The following CUX2 variants were observed in gnomAD, a reference collection of about 807,000 sequenced individuals.
CUX2 encodes cut like homeobox 2, also known as homeobox protein cut-like 2.
In CUX2, 40 loss-of-function variants were observed where a neutral mutation model predicts 144.8. The observed-to-expected ratio is 0.28, with a 90% confidence interval of 0.21 to 0.36. The LOEUF (loss-of-function observed/expected upper bound fraction) is 0.36, where lower values mean the gene tolerates loss of function less well. Among genes scored for constraint, CUX2 ranks in the 10% least tolerant of loss-of-function variants. CUX2 has a pLI of 1.00. For synonymous variants in CUX2, 827 were observed against 875.6 expected (o/e 0.94, Z 0.98); for missense variants, 1,615 against 1,994.0 (o/e 0.81, Z 3.62).
intron 2 of CUX2, among the ~76,000 whole-genome samples, chr12:111,215,454 C>G (rs769483846): frequency 3.3e-4 from 50 of 152,178 alleles, no homozygotes; most frequent in Non-Finnish European, 6.2e-4. Context: ...AGAGAAGGGA[C>G]TAGGATCTAG....
chr12:111,076,920 C>G (rs889683354), intron 1 of CUX2, among the ~76,000 whole-genome samples: 3 of 152,194 alleles, frequency 2.0e-5, no homozygotes, highest in Admixed American at 6.5e-5. Flanking sequence ...GGCTTTAATT[C>G]AAGGTCAAAG....
At chr12:111,194,152 A>G (rs1320575987) in intron 1 of CUX2, among the ~76,000 whole-genome samples, 1 of 152,124 alleles carries the variant, frequency 6.6e-6, no homozygotes, top group Non-Finnish European at 1.5e-5. Flanking sequence ...TCTTGAATCC[A>G]GCTCTGCCCC....
chr12:111,226,036 CG>C (rs970003542), intron 3 of CUX2, among the ~76,000 whole-genome samples: 7 of 152,200 alleles, frequency 4.6e-5, no homozygotes, highest in African/African-American at 1.7e-4. Context: ...CTCCGCCTCC[CG>C]GGTTCAAGCA....
rs1318937537 is a variant in CUX2 at position 111,057,214 on chromosome 12, G to C, written c.63+22974G>C. ...AGTGGGTGTGATAGGAAGTGGCCCA[G>C]TAGCAAGTAAGTGTGACAAGAAATT... On this transcript the variant is annotated intron_variant, in intron 1 of 21. Transcript: ENST00000261726. The surrounding 1 kb of genome is among the most constrained non-coding windows in gnomAD (Gnocchi z 5.1). Among the ~76,000 whole-genome samples, 4 of 152,106 alleles carry C rather than the reference G, an allele frequency of 2.6e-5. No homozygotes were observed. The East Asian group carries it at 7.7e-4, about 29-fold the overall frequency.
rs1243806127 is a variant in CUX2, at chr12:111,287,460, G to GAACTTATTA, written c.302-3955_302-3947dup. ...GGGACACAATAGGAAGCGTTTCCTT[G>GAACTTATTA]AACTTATTAAAAAATCCAGACTTGT... is the stretch of plus-strand genomic sequence containing the variant. On this transcript the variant is annotated intron_variant, in intron 4 of 21. Coordinates refer to ENST00000261726, the MANE Select transcript of CUX2 (RefSeq NM_015267.4). The surrounding 1 kb of genome is among the most constrained non-coding windows in gnomAD (Gnocchi z 4.2). Among the ~76,000 whole-genome samples, 1 of 152,212 alleles carries GAACTTATTA rather than the reference G, an allele frequency of 6.6e-6. No individual in the cohort carries two copies.
chr12:111,224,462 G>T (rs955305885), intron 3 of CUX2, among the ~76,000 whole-genome samples: 1 of 147,516 alleles, frequency 6.8e-6, no homozygotes, highest in South Asian at 2.1e-4. Context: ...CTTCTGCTCC[G>T]TGTCTGCCTG....
At position 111,263,663 on chromosome 12, in the gene CUX2, C is replaced by A; in HGVS notation, c.223-98C>A. On this transcript the variant is annotated intron_variant, in intron 3 of 21. Transcript: ENST00000261726. The surrounding 1 kb of genome is among the most constrained non-coding windows in gnomAD (Gnocchi z 4.0). ...AACAAAACAAAACAAAACAAAAAACCTGCAGATGTTTTCTTGTGGAAAAAA... is the reference window on the plus strand; with the variant it reads ...AACAAAACAAAACAAAACAAAAAACATGCAGATGTTTTCTTGTGGAAAAAA... 1.1e-6 allele frequency: 1 copy of A among 943,118 alleles called. No individual in the cohort carries two copies. Among genetic ancestry groups the A allele is most frequent in the Non-Finnish European group, 1.7e-6 (1 of 589,332 alleles). 58.4% of individuals were successfully genotyped at this position (943,118 alleles called of 1,614,324 possible). A position where few individuals can be genotyped will look rare whatever the true frequency, so the allele number is the denominator to read the frequency against.
At chr12:111,272,288 G>A (rs1354951691) in intron 4 of CUX2, among the ~76,000 whole-genome samples, 1 of 152,098 alleles carries the variant, frequency 6.6e-6, no homozygotes, top group East Asian at 1.9e-4. Flanking sequence ...AGTGTTGTCT[G>A]TGCTAACCTT....
In CUX2 at chr12:111,349,049, ATGT is replaced by A. The variant is rs1364586041; in HGVS notation, c.*728_*730del. The A allele has an allele frequency of 1.3e-5, 2 of 152,628 alleles. No individual in the cohort carries two copies. Among genetic ancestry groups the A allele is most frequent in the Non-Finnish European group, 2.9e-5 (2 of 68,056 alleles). The allele number at this position is 152,628 out of a possible 1,614,324, so 9.5% of individuals were successfully genotyped here. On this transcript the variant is annotated 3_prime_UTR_variant, in exon 22 of 22. Transcript: ENST00000261726. ...TAACAGAATGTCCGTGCCATTGTAA[ATGT>A]TGTAGAGATGTGGGCCGTGGCCCAA...
chr12:111,341,696 A>C, intron 20 of CUX2, 84 bp from the exon 21 acceptor site: 2 of 1,465,148 alleles, frequency 1.4e-6, no homozygotes, highest in East Asian at 2.3e-5. Flanking sequence ...TGACAGATGC[A>C]CTCCCACCAT....
rs754411587 is a variant in CUX2 at position 111,287,681 on chromosome 12, G to A, written c.302-3737G>A. Among the ~76,000 whole-genome samples the A allele has an allele frequency of 8.5e-5, 13 of 152,248 alleles. No individual in the cohort carries two copies. The highest frequency in any genetic ancestry group is 2.2e-4 in the African/African-American group (9 of 41,456). ...CGCAGGCCCTGCCTAATGACGGGGC[G>A]TGGGGGCTGCCGGCAGATGAAAGCC... is the stretch of plus-strand genomic sequence containing the variant. On this transcript the variant is annotated intron_variant, in intron 4 of 21. Coordinates refer to ENST00000261726, the MANE Select transcript of CUX2 (RefSeq NM_015267.4). This position sits in a 1 kb window ranked among gnomAD's most constrained non-coding sequence, Gnocchi z 4.2.
In CUX2 at chr12:111,190,884, A is replaced by C. The variant is rs994902350; in HGVS notation, c.64-23316A>C. Among the ~76,000 whole-genome samples, 1 of 151,700 alleles carries C rather than the reference A, an allele frequency of 6.6e-6. No homozygotes were observed. Among genetic ancestry groups the C allele is most frequent in the African/African-American group, 2.4e-5 (1 of 41,268 alleles). ...GACACCCTCCAAGGACCCTCCTCAC[A>C]CTCACCTCCTGTTCGATGCTGGTCT... On this transcript the variant is annotated intron_variant, in intron 1 of 21. Transcript: ENST00000261726. The surrounding 1 kb of genome is among the most constrained non-coding windows in gnomAD (Gnocchi z 4.0).
intron 3 of CUX2, among the ~76,000 whole-genome samples, chr12:111,226,140 C>T (rs1193885705): frequency 6.6e-6 from 1 of 152,208 alleles, no homozygotes; most frequent in African/African-American, 2.4e-5. Context: ...GACTTGGTTT[C>T]ACCATGTTGG....
At chr12:111,292,514 T>C (rs532275639) in intron 5 of CUX2, among the ~76,000 whole-genome samples, 1 of 152,220 alleles carries the variant, frequency 6.6e-6, no homozygotes, top group South Asian at 2.1e-4. Context: ...TGCCTGAACC[T>C]GGGAGGTGGA....
chr12:111,294,688 G>T (rs1190243105), intron 6 of CUX2, among the ~76,000 whole-genome samples: 1 of 152,032 alleles, frequency 6.6e-6, no homozygotes, highest in Non-Finnish European at 1.5e-5. Context: ...CTTGAGGTCG[G>T]CAGTTTGAGA....
At chr12:111,296,109 G>A (rs1027472969) in intron 7 of CUX2, among the ~76,000 whole-genome samples, 1 of 152,108 alleles carries the variant, frequency 6.6e-6, no homozygotes, top group African/African-American at 2.4e-5. Context: ...GCCCTGCCCA[G>A]GTCCTGAAAT....
intron 1 of CUX2, among the ~76,000 whole-genome samples, chr12:111,196,602 C>T (rs1240193644): frequency 6.6e-6 from 1 of 152,104 alleles, no homozygotes; most frequent in Non-Finnish European, 1.5e-5. Context: ...GGGCATACAA[C>T]AAAATCGCAC....
At chr12:111,118,748 G>C (rs183837360) in intron 1 of CUX2, among the ~76,000 whole-genome samples, 1 of 152,122 alleles carries the variant, frequency 6.6e-6, no homozygotes, top group Admixed American at 6.5e-5. Context: ...TTAGACCCTT[G>C]GCTGCCCATT....
rs1320124654 is a variant in CUX2, at chr12:111,077,484, AT to A, written c.63+43247del. On this transcript the variant is annotated intron_variant, in intron 1 of 21. Coordinates refer to ENST00000261726, the MANE Select transcript of CUX2 (RefSeq NM_015267.4). This position sits in a 1 kb window ranked among gnomAD's most constrained non-coding sequence, Gnocchi z 4.1. Reference sequence around the variant, plus strand: ...AGCCCCGGTCTTGGACCACTGAATAATTTACGGTCCCTCGGAGCGGCGAGGA... The same window carrying A: ...AGCCCCGGTCTTGGACCACTGAATAATTACGGTCCCTCGGAGCGGCGAGGA... Among the ~76,000 whole-genome samples, 2 of 152,160 alleles carry A rather than the reference AT, an allele frequency of 1.3e-5. No homozygotes were observed. The highest frequency in any genetic ancestry group is 2.1e-4 in the South Asian group (1 of 4,828).
Sources: gnomAD v4.1 joint callset for allele counts (sites outside exome capture counted in the v4.1 genomes callset) on GRCh38, gnomAD v4.1.1 for gene constraint, Gnocchi (gnomAD v3.1) non-coding constraint, MANE v1.5 for transcripts, NCBI Gene and HGNC (gene_info 2026-07-23, HGNC 2026-07-21) for gene names.